L3MBTL4: variants seen among roughly 807,000 people sequenced by gnomAD.
The protein encoded by L3MBTL4 is lethal(3)malignant brain tumor-like protein 4.
In L3MBTL4, 70 loss-of-function variants were observed where a neutral mutation model predicts 84.5. That is an observed-to-expected ratio of 0.83 (90% CI 0.68 to 1.01). The LOEUF is 1.01. L3MBTL4 is among the 50% of genes least tolerant of loss of function. The pLI, the probability that L3MBTL4 is intolerant of heterozygous loss-of-function variation, is 0.00. For missense variants in L3MBTL4, 715 were observed against 754.8 expected, an observed-to-expected ratio of 0.95 and a Z score of 0.62; for synonymous variants, 274 against 259.8, an observed-to-expected ratio of 1.05 and a Z score of -0.52.
At chr18:5,967,080 C>T (rs2052388282) in intron 17 of L3MBTL4, among the ~76,000 whole-genome samples, 1 of 152,172 alleles carries the variant, frequency 6.6e-6, no homozygotes, top group Non-Finnish European at 1.5e-5. Flanking sequence ...CCTGAAACGC[C>T]ATCTTCACAA....
In L3MBTL4 at chr18:5,958,405, A is replaced by G. The variant is rs762987329; in HGVS notation, c.1677+1689T>C. 5.1e-4 allele frequency among the ~76,000 whole-genome samples: 77 copies of G among 152,316 alleles called. 1 individual carries two copies. Among genetic ancestry groups the G allele is most frequent in the Middle Eastern group, 6.8e-3 (2 of 294 alleles). ...CCAAGGCAGAGGAGAATGAGCCTAC[A>G]TCCATACCCTGACCTGGCTAAGCTC... is the stretch of plus-strand genomic sequence containing the variant. On this transcript the variant is annotated intron_variant, in intron 18 of 18. Transcript: ENST00000317931.
At chr18:6,197,283 G>A (rs1056949502) in intron 12 of L3MBTL4, among the ~76,000 whole-genome samples, 2 of 152,050 alleles carry the variant, frequency 1.3e-5, no homozygotes, top group African/African-American at 4.8e-5. Flanking sequence ...CCCCTGACAG[G>A]CCCCAGTGTG....
chr18:6,214,249 G>A (rs894109123), intron 11 of L3MBTL4, among the ~76,000 whole-genome samples: 5 of 152,126 alleles, frequency 3.3e-5, no homozygotes, highest in Non-Finnish European at 4.4e-5. Flanking sequence ...TTGGGAGGCC[G>A]AGGTGGGCAG....
rs527398555 is a variant in L3MBTL4 at position 6,203,693 on chromosome 18, C to T, written c.981+9456G>A. 3.3e-5 allele frequency among the ~76,000 whole-genome samples: 5 copies of T among 152,298 alleles called. No homozygotes were observed. The East Asian group carries it at 9.7e-4, about 29-fold the overall frequency. On this transcript the variant is annotated intron_variant, in intron 12 of 18. Coordinates refer to ENST00000317931, the MANE Select transcript of L3MBTL4 (RefSeq NM_001330559.2). ...GGTATTCCTTGCTCCTGTTTAAGAA[C>T]AGGCATTGCAAACTTCAGTGCACAT...
chr18:6,259,136 A>T (rs2048286518), intron 5 of L3MBTL4: 1 of 152,130 alleles, frequency 6.6e-6, no homozygotes, highest in South Asian at 2.1e-4. Context: ...TCTTGGGAAA[A>T]TTGCATAATT....
At chr18:6,230,402 G>A (rs2046950373) in intron 10 of L3MBTL4, among the ~76,000 whole-genome samples, 1 of 152,044 alleles carries the variant, frequency 6.6e-6, no homozygotes, top group South Asian at 2.1e-4. Context: ...TTGCTATAAA[G>A]GACATGATCT....
chr18:5,971,932 G>A (rs1003677061), intron 16 of L3MBTL4, among the ~76,000 whole-genome samples: 3 of 152,198 alleles, frequency 2.0e-5, no homozygotes, highest in Non-Finnish European at 4.4e-5. Context: ...ACTCAGGTTA[G>A]CTTTATATTA....
At chr18:6,215,275 A>G (rs910802268) in intron 11 of L3MBTL4, among the ~76,000 whole-genome samples, 3 of 152,226 alleles carry the variant, frequency 2.0e-5, no homozygotes. Context: ...GAATAAATAT[A>G]TAAGTACAAA....
chr18:6,220,263 A>G (rs1027995415), intron 10 of L3MBTL4, among the ~76,000 whole-genome samples: 1 of 152,126 alleles, frequency 6.6e-6, no homozygotes, highest in Non-Finnish European at 1.5e-5. Context: ...CACAGGGGAA[A>G]AGCAAGTGCT....
chr18:6,176,995 G>T (rs1280776409), intron 12 of L3MBTL4, among the ~76,000 whole-genome samples: 2 of 152,208 alleles, frequency 1.3e-5, no homozygotes, highest in African/African-American at 4.8e-5. Flanking sequence ...ATCAGTTACT[G>T]CCGAGGCTGT....
chr18:6,390,371 A>T (rs1194808648), intron 1 of L3MBTL4, among the ~76,000 whole-genome samples: 3 of 152,178 alleles, frequency 2.0e-5, no homozygotes, highest in Non-Finnish European at 4.4e-5. Flanking sequence ...TGCCAATCAA[A>T]AAGTCTGAAA....
intron 10 of L3MBTL4, among the ~76,000 whole-genome samples, chr18:6,228,586 A>T (rs1044677913): frequency 6.6e-6 from 1 of 152,214 alleles, no homozygotes; most frequent in Non-Finnish European, 1.5e-5. Context: ...AAAGATTTGA[A>T]TACATATTTA....
intron 1 of L3MBTL4, among the ~76,000 whole-genome samples, chr18:6,385,930 A>C (rs1311597049): frequency 6.6e-6 from 1 of 152,214 alleles, no homozygotes; most frequent in Non-Finnish European, 1.5e-5. Flanking sequence ...AGATAAAGGT[A>C]TAAATATCAC....
At chr18:6,032,423 A>C in intron 16 of L3MBTL4, 1 of 557,978 alleles carries the variant, frequency 1.8e-6, no homozygotes, top group Non-Finnish European at 2.3e-6. Flanking sequence ...CACAATCTGC[A>C]TCAAAATAAT....
intron 1 of L3MBTL4, among the ~76,000 whole-genome samples, chr18:6,354,206 G>T (rs565211230): frequency 1.3e-5 from 2 of 152,250 alleles, no homozygotes; most frequent in South Asian, 4.1e-4. Context: ...TCAATAAATG[G>T]TGTTGGGAAA....
intron 14 of L3MBTL4, among the ~76,000 whole-genome samples, chr18:6,133,008 A>G (rs73381904): frequency 0.052 from 7,959 of 152,276 alleles, 702 homozygotes; most frequent in African/African-American, 0.18. Flanking sequence ...AGAGAGCTCT[A>G]AGGGACAGAC....
At chr18:6,057,015 TTTTC>T (rs1178429694) in intron 16 of L3MBTL4, among the ~76,000 whole-genome samples, 19 of 152,160 alleles carry the variant, frequency 1.2e-4, no homozygotes, top group South Asian at 8.3e-4. Flanking sequence ...CTAATTTTTC[TTTTC>T]TTTCTTTCTT....
chr18:5,999,728 G>C (rs16949213), intron 16 of L3MBTL4, among the ~76,000 whole-genome samples: 5,057 of 152,272 alleles, frequency 0.033, 316 homozygotes, highest in Admixed American at 0.17. Context: ...ACTGTGATTG[G>C]CTAGAAGATA....
In L3MBTL4 at chr18:5,969,388, C is replaced by T. The variant is rs762527333; in HGVS notation, c.1614+5G>A. On this transcript the variant is annotated splice_donor_5th_base_variant and intron_variant, in intron 17 of 18. Transcript: ENST00000317931. Reference sequence around the variant, plus strand: ...CAGCCCTGGCCCCCCAGCAGCTCCACTCACCTCATCCACAGTCCAACGTGC... The same window carrying T: ...CAGCCCTGGCCCCCCAGCAGCTCCATTCACCTCATCCACAGTCCAACGTGC... 11 of 1,613,774 alleles carry T rather than the reference C, an allele frequency of 6.8e-6. No homozygotes were observed. Among genetic ancestry groups the T allele is most frequent in the Non-Finnish European group, 1.7e-6 (2 of 1,180,022 alleles).
Sources: gnomAD v4.1 joint callset for allele counts (sites outside exome capture counted in the v4.1 genomes callset) on GRCh38, gnomAD v4.1.1 for gene constraint, MANE v1.5 for transcripts, NCBI Gene and HGNC (gene_info 2026-07-23, HGNC 2026-07-21) for gene names.